PTPN14: variants seen among roughly 807,000 people sequenced by gnomAD.
The protein encoded by PTPN14 is protein tyrosine phosphatase non-receptor type 14.
Under a neutral mutation model 126.8 loss-of-function variants are expected in PTPN14, and 53 were observed. The observed-to-expected ratio is 0.42, with a 90% confidence interval of 0.34 to 0.53. PTPN14 has a LOEUF of 0.53. PTPN14 is among the 20% of genes least tolerant of loss of function. The pLI, the probability that PTPN14 is intolerant of heterozygous loss-of-function variation, is 0.08. For missense variants in PTPN14, 1,257 were observed against 1,552.9 expected (o/e 0.81, Z 3.20); for synonymous variants, 630 against 599.3 (o/e 1.05, Z -0.75).
chr1:214,453,806 C>T (rs1660325210), intron 2 of PTPN14, among the ~76,000 whole-genome samples: 1 of 152,106 alleles, frequency 6.6e-6, no homozygotes, highest in South Asian at 2.1e-4. Context: ...GGAACATCTA[C>T]AAATAACATA....
Position 214,350,353 on chromosome 1 carries a change from TA to T in PTPN14, c.*7568del. 6.6e-6 allele frequency: 1 copy of T among 152,236 alleles called. No homozygotes were observed. Among genetic ancestry groups the T allele is most frequent in the Non-Finnish European group, 1.5e-5 (1 of 68,016 alleles). 9.4% of individuals were successfully genotyped at this position (152,236 alleles called of 1,614,324 possible). The stretch of plus-strand genomic sequence containing the variant: ...CAAATGCAGCCTCTCTCAATCTATA[TA>T]AGTTCACCTCGAAATACATATTAAG... On this transcript the variant is annotated 3_prime_UTR_variant, in exon 19 of 19. Coordinates refer to ENST00000366956, the MANE Select transcript of PTPN14 (RefSeq NM_005401.5).
chr1:214,370,672 T>A (rs1162284192), intron 16 of PTPN14, among the ~76,000 whole-genome samples: 3 of 152,212 alleles, frequency 2.0e-5, no homozygotes, highest in Non-Finnish European at 4.4e-5. Context: ...TATAAACTTT[T>A]CTGAGAATAT....
intron 2 of PTPN14, among the ~76,000 whole-genome samples, chr1:214,455,382 C>A (rs1209573142): frequency 4.6e-5 from 7 of 152,168 alleles, no homozygotes; most frequent in Non-Finnish European, 7.4e-5. Context: ...CCAAGAGGAT[C>A]CCATCATATT....
At chr1:214,506,015 G>A (rs1654834605) in intron 1 of PTPN14, among the ~76,000 whole-genome samples, 1 of 152,190 alleles carries the variant, frequency 6.6e-6, no homozygotes, top group Admixed American at 6.5e-5. Context: ...GAGACAGAGA[G>A]ACACTGGCCA....
chr1:214,433,323 T>C lies in PTPN14; in HGVS notation c.344+18482A>G, dbSNP rs1028334913. On this transcript the variant is annotated intron_variant, in intron 3 of 18. Coordinates refer to ENST00000366956, the MANE Select transcript of PTPN14 (RefSeq NM_005401.5). ...ATGGAAAATGTCTACCAAGCAGAGG[T>C]GGAGCTTGAAGAAACTGGCAGGGTC... 7.7e-4 allele frequency among the ~76,000 whole-genome samples: 117 copies of C among 151,766 alleles called. 1 individual carries two copies. Among genetic ancestry groups the C allele is most frequent in the Non-Finnish European group, 4.4e-5 (3 of 67,940 alleles).
At chr1:214,398,459 T>A (rs1478440694) in intron 7 of PTPN14, among the ~76,000 whole-genome samples, 1 of 152,102 alleles carries the variant, frequency 6.6e-6, no homozygotes, top group African/African-American at 2.4e-5. Flanking sequence ...TTGTTGTTTG[T>A]TTGTTTTGAA....
chr1:214,447,484 C>T (rs568329418), intron 3 of PTPN14, among the ~76,000 whole-genome samples: 1 of 152,286 alleles, frequency 6.6e-6, no homozygotes, highest in Non-Finnish European at 1.5e-5. Context: ...CTGAATCACA[C>T]CTGATCGTTG....
chr1:214,391,797 T>G (rs1658759250), intron 10 of PTPN14, among the ~76,000 whole-genome samples: 1 of 152,118 alleles, frequency 6.6e-6, no homozygotes, highest in South Asian at 2.1e-4. Context: ...ATTTCATCCT[T>G]CCTAATTTTT....
At chr1:214,398,053 T>G in intron 7 of PTPN14, 52 bp from the exon 8 acceptor site, 2 of 1,379,194 alleles carry the variant, frequency 1.5e-6, no homozygotes, top group Non-Finnish European at 2.1e-6. Flanking sequence ...CACTGCAACA[T>G]TATTCACAAT....
chr1:214,480,589 A>G (rs1387285607), intron 1 of PTPN14, among the ~76,000 whole-genome samples: 1 of 152,212 alleles, frequency 6.6e-6, no homozygotes, highest in African/African-American at 2.4e-5. Context: ...GGCCCTGGGT[A>G]TGATCAACCA....
At chr1:214,514,641 G>A (rs1216213191) in intron 1 of PTPN14, among the ~76,000 whole-genome samples, 2 of 152,098 alleles carry the variant, frequency 1.3e-5, no homozygotes, top group Non-Finnish European at 1.5e-5. Context: ...GGCGGGCGGG[G>A]CTGACTCAGG....
At chr1:214,537,802 A>C (rs1655743240) in intron 1 of PTPN14, among the ~76,000 whole-genome samples, 1 of 152,254 alleles carries the variant, frequency 6.6e-6, no homozygotes. Flanking sequence ...GGTGCTGTCC[A>C]AAAGAAATAT....
At chr1:214,523,873 A>G (rs1286503685) in intron 1 of PTPN14, among the ~76,000 whole-genome samples, 1 of 138,744 alleles carries the variant, frequency 7.2e-6, no homozygotes, top group Admixed American at 7.3e-5. Flanking sequence ...TTTTTGAGAT[A>G]GAGTCTTGCT....
intron 10 of PTPN14, among the ~76,000 whole-genome samples, chr1:214,393,181 T>C (rs1304292506): frequency 6.6e-6 from 1 of 152,154 alleles, no homozygotes; most frequent in East Asian, 1.9e-4. Context: ...CACCTATGAG[T>C]GTCTTCCACA....
intron 1 of PTPN14, among the ~76,000 whole-genome samples, chr1:214,472,822 G>T (rs919061195): frequency 5.3e-5 from 8 of 152,166 alleles, no homozygotes; most frequent in African/African-American, 1.9e-4. Context: ...GTCTTATACT[G>T]GGGGTATTCT....
chr1:214,358,590 T>C (rs936067108), intron 18 of PTPN14, among the ~76,000 whole-genome samples: 4 of 152,232 alleles, frequency 2.6e-5, no homozygotes, highest in African/African-American at 9.6e-5. Flanking sequence ...TAATAATGCT[T>C]TCCTCTAACA....
intron 5 of PTPN14, among the ~76,000 whole-genome samples, chr1:214,407,134 T>C (rs1355112143): frequency 3.3e-5 from 5 of 152,218 alleles, no homozygotes; most frequent in Admixed American, 1.3e-4. Flanking sequence ...TTAAGTAATA[T>C]GTTAATCTCT....
chr1:214,536,968 C>G, intron 1 of PTPN14, among the ~76,000 whole-genome samples: 1 of 152,118 alleles, frequency 6.6e-6, no homozygotes, highest in Admixed American at 6.6e-5. Flanking sequence ...CATGTTGGTA[C>G]ACTGAGAGAA....
At chr1:214,477,620 G>C (rs1660895532) in intron 1 of PTPN14, among the ~76,000 whole-genome samples, 1 of 152,136 alleles carries the variant, frequency 6.6e-6, no homozygotes, top group South Asian at 2.1e-4. Context: ...AACAAGATTT[G>C]TTCAGCTGCT....
Sources: gnomAD v4.1 joint callset for allele counts (sites outside exome capture counted in the v4.1 genomes callset) on GRCh38, gnomAD v4.1.1 for gene constraint, MANE v1.5 for transcripts, NCBI Gene and HGNC (gene_info 2026-07-23, HGNC 2026-07-21) for gene names.